Variants in SMC6 observed in about 807,000 individuals in gnomAD.
SMC6 encodes structural maintenance of chromosomes 6, also known as structural maintenance of chromosomes protein 6.
SMC6 carries 79 observed loss-of-function variants against 142.2 expected under a neutral mutation model. The observed-to-expected ratio is 0.56, with a 90% confidence interval of 0.46 to 0.67. The LOEUF is 0.67. SMC6 is among the 30% of genes least tolerant of loss of function. The pLI, the probability that SMC6 is intolerant of heterozygous loss-of-function variation, is 0.00. For synonymous variants in SMC6, 411 were observed against 412.4 expected (o/e 1.00, Z 0.04); for missense variants, 1,072 against 1,284.0 (o/e 0.83, Z 2.52).
chr2:17,716,733 C>A lies in SMC6; in HGVS notation c.1346+8G>T. ...GAAAAAAATCATTCTAAGGATGTTG[C>A]AACTTACTTAATTTTGCCATGTTCT... is the stretch of plus-strand genomic sequence containing the variant. On this transcript the variant is annotated splice_region_variant and intron_variant, in intron 14 of 27. Coordinates refer to ENST00000448223, the MANE Select transcript of SMC6 (RefSeq NM_001142286.2). The A allele has an allele frequency of 6.9e-6, 11 of 1,604,058 alleles. No homozygotes were observed. The highest frequency in any genetic ancestry group is 9.3e-6 in the Non-Finnish European group (11 of 1,177,134).
At chr2:17,745,804 T>C in intron 3 of SMC6, 23 bp downstream of exon 3, 1 of 1,580,526 alleles carries the variant, frequency 6.3e-7, no homozygotes, top group Non-Finnish European at 8.6e-7. Flanking sequence ...TCAAAAAGCA[T>C]AATTTTGTAA....
intron 2 of SMC6, among the ~76,000 whole-genome samples, chr2:17,747,867 A>C (rs1670833192): frequency 6.6e-6 from 1 of 152,214 alleles, no homozygotes; most frequent in African/African-American, 2.4e-5. Context: ...CAGCAATGAC[A>C]TCTCACAAGC....
At chr2:17,729,841 T>C (rs1669821325) in intron 7 of SMC6, among the ~76,000 whole-genome samples, 1 of 152,214 alleles carries the variant, frequency 6.6e-6, no homozygotes. Context: ...AATTTCTTAG[T>C]CACAATTTCA....
intron 5 of SMC6, among the ~76,000 whole-genome samples, chr2:17,736,234 G>A (rs1271083155): frequency 1.3e-5 from 2 of 152,166 alleles, no homozygotes; most frequent in African/African-American, 4.8e-5. Flanking sequence ...GTTTCTAGCT[G>A]TCACTAACTG....
At chr2:17,746,053 T>C in intron 2 of SMC6, 102 bp from the exon 3 acceptor site, 1 of 1,144,250 alleles carries the variant, frequency 8.7e-7, no homozygotes. Context: ...AGGTACTATG[T>C]CCATCCATTT....
At chr2:17,751,675 G>C (rs1671047438) in intron 2 of SMC6, among the ~76,000 whole-genome samples, 1 of 152,168 alleles carries the variant, frequency 6.6e-6, no homozygotes, top group Non-Finnish European at 1.5e-5. Flanking sequence ...ATGTTAACTT[G>C]TTTAAATAGT....
At chr2:17,746,094 G>C (rs752461852) in intron 2 of SMC6, 143 bp from the exon 3 acceptor site, 22 of 850,064 alleles carry the variant, frequency 2.6e-5, no homozygotes, top group African/African-American at 3.5e-5. Flanking sequence ...AATTAGTCTT[G>C]CATCTTGCAC....
chr2:17,725,403 T>C, intron 8 of SMC6, 45 bp from the exon 9 acceptor site: 1 of 1,364,074 alleles, frequency 7.3e-7, no homozygotes, highest in South Asian at 1.3e-5. Context: ...GTTTGTAAAC[T>C]TCCATAGAAC....
At chr2:17,673,979 T>C (rs1666891373) in intron 25 of SMC6, among the ~76,000 whole-genome samples, 1 of 152,208 alleles carries the variant, frequency 6.6e-6, no homozygotes, top group African/African-American at 2.4e-5. Context: ...ATTACATATA[T>C]GTATGATTTA....
intron 23 of SMC6, among the ~76,000 whole-genome samples, chr2:17,694,000 C>CAAAAAAAAAAAAAAAAAAAAAAAAAAAAA (rs751816590): frequency 2.9e-5 from 1 of 34,514 alleles, no homozygotes. Context: ...AACTCCATCT[C>CAAAAAAAAAAAAAAAAAAAAAAAAAAAAA]AAAAAAAAAA....
Position 17,726,405 on chromosome 2 carries a change from T to C in SMC6, c.608A>G (p.Glu203Gly), listed in dbSNP as rs753047982. The C allele has an allele frequency of 6.8e-6, 11 of 1,612,086 alleles. No homozygotes were observed. The highest frequency in any genetic ancestry group is 3.4e-4 in the Middle Eastern group (2 of 5,966). The change falls in exon 8 of 28, where the codon GAA becomes GGA. Residue 203 changes from glutamate (E) to glycine (G), a missense_variant. By Grantham distance (98) the Glu-to-Gly change is moderately conservative. This residue lies in a region of SMC6 where 994 missense variants were observed against 1,153.2 expected (regional missense o/e 0.86). Coordinates refer to ENST00000448223, the MANE Select transcript of SMC6 (RefSeq NM_001142286.2). ...GCCACTTACTTTGTATTTGTCTCCT[T>C]CATTTTTAGACTGTAAGAACTGCTT... is the stretch of plus-strand genomic sequence containing the variant. The part of the protein sequence containing the change: ...MSKQFLQSKN[E>G]GDKYKFFMKA...
intron 25 of SMC6, among the ~76,000 whole-genome samples, chr2:17,673,963 CCT>C (rs1226709740): frequency 1.3e-5 from 2 of 152,130 alleles, no homozygotes; most frequent in East Asian, 3.9e-4. Flanking sequence ...GCAGTGGAGT[CCT>C]GTCATTACAT....
intron 9 of SMC6, 47 bp downstream of exon 9, chr2:17,725,210 A>C (rs1325741247): frequency 7.8e-7 from 1 of 1,287,570 alleles, no homozygotes; most frequent in Non-Finnish European, 1.1e-6. Flanking sequence ...TAAGTACTAT[A>C]AGAATTTGGC....
intron 3 of SMC6, among the ~76,000 whole-genome samples, chr2:17,744,483 T>C (rs1250720118): frequency 4.6e-5 from 7 of 152,224 alleles, no homozygotes; most frequent in Non-Finnish European, 1.0e-4. Flanking sequence ...AGATTTTTTA[T>C]GTAGATAATG....
At chr2:17,724,239 A>G (rs1252094092) in intron 9 of SMC6, among the ~76,000 whole-genome samples, 1 of 152,152 alleles carries the variant, frequency 6.6e-6, no homozygotes, top group African/African-American at 2.4e-5. Flanking sequence ...GTTTATAGTA[A>G]CTCCTTAAAC....
At chr2:17,734,973 C>A (rs1670080406) in intron 5 of SMC6, among the ~76,000 whole-genome samples, 1 of 152,174 alleles carries the variant, frequency 6.6e-6, no homozygotes, top group Non-Finnish European at 1.5e-5. Context: ...CTCAAGTGAT[C>A]CGCCCAACTC....
intron 23 of SMC6, among the ~76,000 whole-genome samples, chr2:17,690,086 A>G (rs1319705124): frequency 1.3e-5 from 2 of 152,234 alleles, no homozygotes; most frequent in Non-Finnish European, 2.9e-5. Flanking sequence ...TTTGAGCTCC[A>G]GTTGCTTCTT....
chr2:17,730,640 T>C (rs1055604307), intron 7 of SMC6, among the ~76,000 whole-genome samples: 3 of 151,670 alleles, frequency 2.0e-5, no homozygotes. Flanking sequence ...TTCACTCTTG[T>C]TGCCCAGGCT....
intron 11 of SMC6, among the ~76,000 whole-genome samples, chr2:17,719,258 T>C (rs978016228): frequency 2.0e-5 from 3 of 152,232 alleles, no homozygotes; most frequent in Admixed American, 2.0e-4. Context: ...TAAACATAAT[T>C]CATATTATTT....
Sources: gnomAD v4.1 joint callset for allele counts (sites outside exome capture counted in the v4.1 genomes callset) on GRCh38, gnomAD v4.1.1 for gene constraint, gnomAD v4.1.1 regional missense constraint, MANE v1.5 for transcripts, NCBI Gene and HGNC (gene_info 2026-07-23, HGNC 2026-07-21) for gene names.